PRH1: variants seen among roughly 807,000 people sequenced by gnomAD.
The protein encoded by PRH1 is salivary acidic proline-rich phosphoprotein 1/2.
Under a neutral mutation model 7.9 loss-of-function variants are expected in PRH1, and 7 were observed. That is an observed-to-expected ratio of 0.89 (90% confidence interval 0.50 to 1.67). The LOEUF (loss-of-function observed/expected upper bound fraction) is 1.67. Among genes scored for constraint, PRH1 ranks in the 40% most tolerant of loss-of-function variants. The pLI is 0.00. For missense variants in PRH1, 109 were observed against 223.6 expected, an observed-to-expected ratio of 0.49 and a Z score of 3.27; for synonymous variants, 45 against 80.8, an observed-to-expected ratio of 0.56 and a Z score of 2.38.
At position 10,945,294 on chromosome 12, in the gene PRH1, G is replaced by A. The variant is rs1261679947; in HGVS notation, c.-59+28361C>T. Among the ~76,000 whole-genome samples the A allele has an allele frequency of 5.9e-5, 9 of 152,046 alleles. No homozygotes were observed. The East Asian group carries it at 1.7e-3, about 29-fold the overall frequency. On this transcript the variant is annotated intron_variant, in intron 2 of 3. Transcript: ENST00000539853. ...TGGTTCAGTCTTGGGAGTATCGGGT[G>A]AAATTCACCCCCGATATTTCACTTA...
chr12:11,157,542 T>C (rs1947290146), intron 1 of PRH1, among the ~76,000 whole-genome samples: 1 of 152,216 alleles, frequency 6.6e-6, no homozygotes, highest in Admixed American at 6.5e-5. Flanking sequence ...ATCTCTCTTA[T>C]TATACAAATG....
intron 1 of PRH1, among the ~76,000 whole-genome samples, chr12:11,112,457 G>T (rs912987829): frequency 1.3e-5 from 2 of 152,066 alleles, no homozygotes; most frequent in Non-Finnish European, 2.9e-5. Flanking sequence ...TATCCACCAA[G>T]ATCAAGTCGT....
chr12:10,890,147 C>T (rs1041838639), intron 2 of PRH1, among the ~76,000 whole-genome samples: 1 of 152,136 alleles, frequency 6.6e-6, no homozygotes, highest in Non-Finnish European at 1.5e-5. Flanking sequence ...AGGGTAGGTT[C>T]GGACATTGGA....
At chr12:10,908,848 G>A in intron 2 of PRH1, 16 of 1,613,300 alleles carry the variant, frequency 9.9e-6, no homozygotes, top group Non-Finnish European at 1.3e-5. Context: ...TCTTTTATAT[G>A]CATGTTTATT....
At chr12:11,024,983 T>C (rs1157036636) in intron 1 of PRH1, among the ~76,000 whole-genome samples, 1 of 152,126 alleles carries the variant, frequency 6.6e-6, no homozygotes, top group Non-Finnish European at 1.5e-5. Flanking sequence ...ATAGTCAACA[T>C]TTATTTAGAA....
intron 2 of PRH1, among the ~76,000 whole-genome samples, chr12:10,912,515 C>G (rs1226439668): frequency 6.6e-6 from 1 of 151,836 alleles, no homozygotes; most frequent in Admixed American, 6.6e-5. Context: ...TTTTGTTAGT[C>G]TATTCAAGTC....
chr12:11,049,030 G>A (rs2599394), upstream of PRH1: 137,577 of 290,258 alleles, frequency 0.47, 32,846 homozygotes, highest in Non-Finnish European at 0.53. Flanking sequence ...TCTAATCTAT[G>A]TGAAGCCAAA....
chr12:11,148,497 A>C (rs1023837116), intron 1 of PRH1, among the ~76,000 whole-genome samples: 51 of 147,052 alleles, frequency 3.5e-4, no homozygotes, highest in African/African-American at 1.2e-3. Context: ...TTTAGCGTGA[A>C]GGTTGTTGAA....
At chr12:11,111,364 A>T (rs1565663899) in intron 1 of PRH1, among the ~76,000 whole-genome samples, 1 of 152,208 alleles carries the variant, frequency 6.6e-6, no homozygotes, top group Non-Finnish European at 1.5e-5. Flanking sequence ...TCTCAGCACC[A>T]CATCACACTA....
chr12:11,112,032 C>T (rs1945604232), intron 1 of PRH1, among the ~76,000 whole-genome samples: 1 of 152,118 alleles, frequency 6.6e-6, no homozygotes, highest in Non-Finnish European at 1.5e-5. Context: ...CACCTCTATG[C>T]AAATACGCTA....
intron 2 of PRH1, among the ~76,000 whole-genome samples, chr12:10,959,721 C>T (rs777452790): frequency 6.6e-6 from 1 of 152,018 alleles, no homozygotes; most frequent in Non-Finnish European, 1.5e-5. Context: ...ATCTGCAATG[C>T]TATATTAAAA....
chr12:11,020,619 A>C (rs1941572556), intron 1 of PRH1, among the ~76,000 whole-genome samples: 1 of 136,630 alleles, frequency 7.3e-6, no homozygotes, highest in Admixed American at 7.6e-5. Context: ...ATAATAATAC[A>C]TATCATTAAT....
intron 1 of PRH1, among the ~76,000 whole-genome samples, chr12:11,035,936 C>A (rs1382252421): frequency 1.3e-5 from 2 of 152,176 alleles, no homozygotes. Flanking sequence ...CGCTGTCTCC[C>A]AGGCTGGAGT....
intron 1 of PRH1, chr12:11,021,598 A>C (rs1244882807): frequency 8.5e-7 from 1 of 1,179,046 alleles, no homozygotes; most frequent in African/African-American, 1.5e-5. Flanking sequence ...AGACACCATC[A>C]GTTTGTTTTC....
At chr12:11,134,110 G>C in intron 1 of PRH1, 1 of 1,614,108 alleles carries the variant, frequency 6.2e-7, no homozygotes, top group South Asian at 1.1e-5. Flanking sequence ...TGAGAATTTG[G>C]TCAACAAAGG....
chr12:11,164,249 GGCCCTAATAGAACAAAAA>G (rs1456941553), intron 1 of PRH1, among the ~76,000 whole-genome samples: 1 of 152,120 alleles, frequency 6.6e-6, no homozygotes, highest in African/African-American at 2.4e-5. Context: ...ATCTGATGAG[GGCCCTAATAGAACAAAAA>G]GCTGGAGGAA....
In PRH1 at chr12:10,882,250, C is replaced by T. The variant is rs1386123607; in HGVS notation, c.549G>A (p.Gly183=). ...QGGRPQGPPQ[G]QSPQ is the part of the protein sequence containing the mutation. ...GAATCCTAGATTACTGAGGAGACTG[C>T]CCCTGTGGAGGTCCTTGTGGGCGGC... The change falls in exon 3 of 4, where the codon GGG becomes GGA. Residue 183 remains glycine (G), a synonymous_variant. Coordinates refer to ENST00000543626, the MANE Select transcript of PRH1 (RefSeq NM_001393989.1). 6.2e-7 allele frequency: 1 copy of T among 1,613,488 alleles called. No homozygotes were observed. Among genetic ancestry groups the T allele is most frequent in the Non-Finnish European group, 8.5e-7 (1 of 1,179,880 alleles).
At chr12:10,986,235 A>G in intron 1 of PRH1, 2 of 1,614,160 alleles carry the variant, frequency 1.2e-6, no homozygotes, top group Non-Finnish European at 1.7e-6. Flanking sequence ...ATGGAGCTGC[A>G]TCTTCTTGAG....
At chr12:11,040,748 A>C (rs1004685049) in intron 1 of PRH1, among the ~76,000 whole-genome samples, 9 of 152,234 alleles carry the variant, frequency 5.9e-5, no homozygotes, top group African/African-American at 2.2e-4. Flanking sequence ...AGACATAGAC[A>C]GTACAATAAG....
Sources: gnomAD v4.1 joint callset for allele counts (sites outside exome capture counted in the v4.1 genomes callset) on GRCh38, gnomAD v4.1.1 for gene constraint, MANE v1.5 for transcripts, NCBI Gene and HGNC (gene_info 2026-07-23, HGNC 2026-07-21) for gene names.